Variants in CAPN6 observed in about 807,000 individuals in gnomAD.
CAPN6 encodes the protein calpain-6.
Under a neutral mutation model 46.0 loss-of-function variants are expected in CAPN6, and 16 were observed. That is an observed-to-expected ratio of 0.35 (90% CI 0.24 to 0.53). CAPN6 has a LOEUF of 0.53. Ranked by LOEUF, CAPN6 falls within the 20% of genes least tolerant of loss-of-function variation. CAPN6 has a pLI of 0.94. For missense variants in CAPN6, 461 were observed against 498.0 expected (o/e 0.93, Z 0.71); for synonymous variants, 206 against 172.8 (o/e 1.19, Z -1.51).
chrX:111,264,660 G>A (rs1379581780), intron 1 of CAPN6, among the ~76,000 whole-genome samples: 2 of 109,499 alleles, frequency 1.8e-5, no homozygotes, highest in East Asian at 5.7e-4. Flanking sequence ...AATTTGGTGG[G>A]CTATAGATTG....
At chrX:111,251,823 C>G in intron 5 of CAPN6, 81 bp from the exon 6 acceptor site, 1 of 853,514 alleles carries the variant, frequency 1.2e-6, no homozygotes, top group Non-Finnish European at 1.7e-6. Flanking sequence ...ATTGGCTTAA[C>G]CCAGTAGGAT....
intron 1 of CAPN6, among the ~76,000 whole-genome samples, chrX:111,266,352 G>A (rs1337695158): frequency 1.8e-5 from 2 of 110,340 alleles, no homozygotes; most frequent in African/African-American, 6.6e-5. Context: ...TCAGGAAAGT[G>A]AGGTTATCTA....
In CAPN6 at chrX:111,248,714, T is replaced by A; in HGVS notation, c.1339A>T (p.Thr447Ser). Reference sequence around the variant, plus strand: ...GTGCGGGTGTCAATATAGGTGGAAGTCCCAGCACGCTCCTGGATGTAGAGG... The same window carrying A: ...GTGCGGGTGTCAATATAGGTGGAAGACCCAGCACGCTCCTGGATGTAGAGG... ...HHLYIQERAGTSTYIDTRTVF... is the reference protein window; with the variant it reads ...HHLYIQERAGSSTYIDTRTVF... Residue 447 changes from threonine (T) to serine (S), a missense_variant, in exon 10 of 13, where the codon ACT becomes TCT. Coordinates refer to ENST00000324068, the MANE Select transcript of CAPN6 (RefSeq NM_014289.4). The A allele has an allele frequency of 8.3e-7, 1 of 1,211,053 alleles. No homozygotes were observed. Among genetic ancestry groups the A allele is most frequent in the Non-Finnish European group, 1.1e-6 (1 of 895,289 alleles).
intron 4 of CAPN6, among the ~76,000 whole-genome samples, 200 bp downstream of exon 4, chrX:111,252,808 G>A (rs1439425520): frequency 7.2e-5 from 8 of 111,722 alleles, no homozygotes; most frequent in Non-Finnish European, 1.9e-5. Flanking sequence ...AGTTTAAATG[G>A]AAACAAGAAC....
chrX:111,251,954 C>G (rs948393396), intron 5 of CAPN6, among the ~76,000 whole-genome samples: 1 of 112,053 alleles, frequency 8.9e-6, no homozygotes, highest in Non-Finnish European at 1.9e-5. Flanking sequence ...TTCAAACTAT[C>G]CACTGTAGGA....
At chrX:111,254,200 AT>A (rs1168216841) in intron 3 of CAPN6, 71 bp downstream of exon 3, 15 of 1,109,178 alleles carry the variant, frequency 1.4e-5, no homozygotes, top group Non-Finnish European at 1.7e-5. Flanking sequence ...TTATGCGCTG[AT>A]TTTTTTCCTA....
chrX:111,249,533 T>C (rs947970434), intron 8 of CAPN6, among the ~76,000 whole-genome samples: 1 of 111,054 alleles, frequency 9.0e-6, no homozygotes, highest in African/African-American at 3.3e-5. Context: ...CCTTGGAGAA[T>C]TGATGTTTTG....
chrX:111,253,170 T>G lies in CAPN6; in HGVS notation c.344A>C (p.Glu115Ala), dbSNP rs201937047. ...KEQEWDPQKT[E>A]KYAGIFHFRF... ...AAAGTGAAATATCCCAGCGTATTTTTCTGTTTTTTGAGGGTCCCATTCCTG... is the reference window on the plus strand; with the variant it reads ...AAAGTGAAATATCCCAGCGTATTTTGCTGTTTTTTGAGGGTCCCATTCCTG... The change falls in exon 4 of 13, where the codon GAA (glutamate) becomes GCA (alanine). Residue 115 changes from glutamate to alanine, a missense_variant. Glu to Ala is a moderately radical substitution (Grantham distance 107). Transcript: ENST00000324068. The G allele has an allele frequency of 6.4e-5, 77 of 1,210,148 alleles. No individual in the cohort carries two copies. Among genetic ancestry groups the G allele is most frequent in the Admixed American group, 1.1e-4 (5 of 45,820 alleles).
intron 8 of CAPN6, among the ~76,000 whole-genome samples, chrX:111,250,224 A>G (rs745368506): frequency 3.6e-5 from 4 of 111,838 alleles, no homozygotes; most frequent in Non-Finnish European, 7.5e-5. Flanking sequence ...AGGCAGCAAT[A>G]TAGTCAGAAT....
intron 3 of CAPN6, among the ~76,000 whole-genome samples, chrX:111,253,975 G>A (rs1243456702): frequency 1.8e-5 from 2 of 111,954 alleles, no homozygotes; most frequent in Non-Finnish European, 3.8e-5. Context: ...CAGAGATACT[G>A]AGTCAATGCA....
Position 111,246,447 on chromosome X carries a change from C to A in CAPN6, c.*130G>T. ...GGATTGGGAGGTATGGGGAATTTAT[C>A]AGAAGAGAGGAAGAGTTAATTATTG... On this transcript the variant is annotated 3_prime_UTR_variant, in exon 13 of 13. Transcript: ENST00000324068. 1.8e-6 allele frequency: 1 copy of A among 569,575 alleles called. No homozygotes were observed. Among genetic ancestry groups the A allele is most frequent in the East Asian group, 3.5e-5 (1 of 28,650 alleles). The allele number at this position is 569,575 out of a possible 1,213,427, so 46.9% of individuals were successfully genotyped here.
chrX:111,254,458 A>G, intron 2 of CAPN6, 55 bp from the exon 3 acceptor site: 1 of 988,999 alleles, frequency 1.0e-6, no homozygotes, highest in South Asian at 2.1e-5. Context: ...CTCAAGAGTC[A>G]CTGTGAGCTG....
At chrX:111,254,690 T>C (rs912296453) in intron 2 of CAPN6, among the ~76,000 whole-genome samples, 6 of 111,009 alleles carry the variant, frequency 5.4e-5, no homozygotes, top group Admixed American at 3.8e-4. Context: ...ATAGCTATCA[T>C]TGGGGTTTGG....
chrX:111,263,791 AC>A lies in CAPN6; in HGVS notation c.145del (p.Val49TrpfsTer15). The A allele has an allele frequency of 1.7e-6, 2 of 1,208,333 alleles. No individual in the cohort carries two copies. Among genetic ancestry groups the A allele is most frequent in the Non-Finnish European group, 2.2e-6 (2 of 893,991 alleles). On this transcript the variant is annotated frameshift_variant, in exon 2 of 13. Coordinates refer to ENST00000324068, the MANE Select transcript of CAPN6 (RefSeq NM_014289.4). LOFTEE classifies it high-confidence loss of function. ...AGTTACCTGGGGACGTTTCCACACC[AC>A]CTTTCCAGGAAGCAGTCGGTTGTAG... ...LFYNRLLPGKVVWKRPQDICD... is the reference protein window; with the variant it reads ...LFYNRLLPGKXVWKRPQDICD...
rs772564773 is a variant in CAPN6, at chrX:111,251,759, A to T, written c.700-17T>A. On this transcript the variant is annotated splice_polypyrimidine_tract_variant and intron_variant, in intron 5 of 12. Coordinates refer to ENST00000324068, the MANE Select transcript of CAPN6 (RefSeq NM_014289.4). The stretch of plus-strand genomic sequence containing the variant: ...ATTGGGAGACTGAGAGCAAAGAAAG[A>T]TATATAAAGGCACAGGAATTGGGAG... 7.5e-5 allele frequency: 88 copies of T among 1,176,212 alleles called. No homozygotes were observed. The highest frequency in any genetic ancestry group is 1.0e-4 in the Non-Finnish European group (88 of 866,205).
chrX:111,246,029 AGTG>A lies in CAPN6; in HGVS notation c.*545_*547del, dbSNP rs888056380. 19 of 113,124 alleles carry A rather than the reference AGTG, an allele frequency of 1.7e-4. No individual in the cohort carries two copies. Among genetic ancestry groups the A allele is most frequent in the East Asian group, 2.8e-4 (1 of 3,510 alleles). The allele number at this position is 113,124 out of a possible 1,213,427, so 9.3% of individuals were successfully genotyped here. On this transcript the variant is annotated 3_prime_UTR_variant, in exon 13 of 13. Transcript: ENST00000324068. ...CTTTCCGGAGGTGATGATGGTGGTG[AGTG>A]GTGGTGGTGGTGGTGGTCGTGGTTG...
chrX:111,251,175 C>T, intron 7 of CAPN6, 34 bp downstream of exon 7: 1 of 1,203,346 alleles, frequency 8.3e-7, no homozygotes, highest in Non-Finnish European at 1.1e-6. Context: ...CATGTAGAAG[C>T]CCCAATTCCC....
intron 1 of CAPN6, among the ~76,000 whole-genome samples, chrX:111,266,383 G>A (rs1326806200): frequency 9.0e-6 from 1 of 111,177 alleles, no homozygotes; most frequent in Non-Finnish European, 1.9e-5. Flanking sequence ...CTTACACCAT[G>A]GGTGTACCTA....
chrX:111,249,352 T>G (rs187370529), intron 8 of CAPN6, among the ~76,000 whole-genome samples: 1 of 110,937 alleles, frequency 9.0e-6, no homozygotes, highest in East Asian at 2.8e-4. Flanking sequence ...AATTATTGTA[T>G]TATTATTATT....
Sources: gnomAD v4.1 joint callset for allele counts (sites outside exome capture counted in the v4.1 genomes callset) on GRCh38, gnomAD v4.1.1 for gene constraint, MANE v1.5 for transcripts, NCBI Gene and HGNC (gene_info 2026-07-23, HGNC 2026-07-21) for gene names.